KIF21A: variants seen among roughly 807,000 people sequenced by gnomAD.
KIF21A encodes kinesin family member 21A.
A neutral mutation model predicts 202.9 loss-of-function variants in KIF21A; 114 were observed. That is an observed-to-expected ratio of 0.56 (90% CI 0.48 to 0.66). The LOEUF (loss-of-function observed/expected upper bound fraction) is 0.66, where lower values mean the gene tolerates loss of function less well. KIF21A is among the 30% of genes least tolerant of loss of function. The probability of loss-of-function intolerance (pLI) is 0.00; values close to 1 mark genes in which losing one functional copy is unlikely to be tolerated. For missense variants in KIF21A, 1,677 were observed against 1,994.9 expected (o/e 0.84, Z 3.04); for synonymous variants, 667 against 670.8 (o/e 0.99, Z 0.09).
Position 39,332,307 on chromosome 12 carries a change from A to T in KIF21A, c.2958T>A (p.Asn986Lys). The change falls in exon 21 of 38, where the codon AAT becomes AAA. Residue 986 changes from asparagine (N) to lysine (K), a missense_variant. Coordinates refer to ENST00000361418, the MANE Select transcript of KIF21A (RefSeq NM_001173464.2). Reference protein sequence around the residue: ...GEGDKNVANINEEMESLTANI... With the variant: ...GEGDKNVANIKEEMESLTANI... ...TAGCAGTCAGTGACTCCATCTCTTC[A>T]TTGATATTAGCCACATTTTTATCTC... is the stretch of plus-strand genomic sequence containing the variant. The T allele has an allele frequency of 6.2e-7, 1 of 1,613,538 alleles. No individual in the cohort carries two copies. The highest frequency in any genetic ancestry group is 8.5e-7 in the Non-Finnish European group (1 of 1,179,626).
chr12:39,426,316 C>T (rs368336743), intron 1 of KIF21A, among the ~76,000 whole-genome samples: 2 of 152,196 alleles, frequency 1.3e-5, no homozygotes, highest in Non-Finnish European at 2.9e-5. Flanking sequence ...TGTGAGTATA[C>T]ACACATGTAC....
chr12:39,330,863 G>A lies in KIF21A; in HGVS notation c.3202C>T (p.Arg1068Ter), dbSNP rs748836406. Residue 1068 changes from arginine to a stop codon, truncating the protein, a stop_gained, in exon 23 of 38, where the codon CGA (arginine) becomes TGA (stop). Coordinates refer to ENST00000361418, the MANE Select transcript of KIF21A (RefSeq NM_001173464.2). LOFTEE classifies it high-confidence loss of function. ...KEAQIKVLEGRLKQTEITSAT... is the reference protein window; with the variant it reads ...KEAQIKVLEG ...CTGGTTATTTCTGTTTGTTTGAGTC[G>A]ACCTTCCAGTACTTTAATTTGAGCC... is the stretch of plus-strand genomic sequence containing the variant. 3.1e-6 allele frequency: 5 copies of A among 1,613,758 alleles called. No individual in the cohort carries two copies. The highest frequency in any genetic ancestry group is 1.1e-5 in the South Asian group (1 of 91,068).
intron 10 of KIF21A, among the ~76,000 whole-genome samples, chr12:39,354,869 T>G (rs1042353125): frequency 1.3e-5 from 2 of 152,208 alleles, no homozygotes; most frequent in African/African-American, 4.8e-5. Context: ...CTCTCTGAGA[T>G]TAGCAGGTAT....
intron 1 of KIF21A, among the ~76,000 whole-genome samples, chr12:39,402,713 T>C (rs572172654): frequency 1.3e-5 from 2 of 152,270 alleles, no homozygotes; most frequent in African/African-American, 4.8e-5. Flanking sequence ...CCAACACAAA[T>C]TCATAAACTT....
Position 39,366,645 on chromosome 12 carries a change from A to C in KIF21A, c.736-128T>G. The stretch of plus-strand genomic sequence containing the variant: ...AAGAAACAGGCATAAAGCCAAATAA[A>C]TTCAAAAATGTCTGCTGGCAATTAG... On this transcript the variant is annotated intron_variant, in intron 5 of 37. Coordinates refer to ENST00000361418, the MANE Select transcript of KIF21A (RefSeq NM_001173464.2). 3 of 713,126 alleles carry C rather than the reference A, an allele frequency of 4.2e-6. No homozygotes were observed. In the East Asian group the frequency reaches 8.1e-5, roughly 19 times the overall value. 44.2% of individuals were successfully genotyped at this position (713,126 alleles called of 1,614,324 possible). A position where few individuals can be genotyped will look rare whatever the true frequency, so the allele number is the denominator to read the frequency against.
At chr12:39,403,147 C>A (rs562132193) in intron 1 of KIF21A, among the ~76,000 whole-genome samples, 8 of 151,986 alleles carry the variant, frequency 5.3e-5, no homozygotes, top group African/African-American at 1.9e-4. Context: ...CAAAAAAAAA[C>A]CTAACAGTCA....
chr12:39,315,323 G>A, intron 30 of KIF21A, 83 bp from the exon 31 acceptor site: 2 of 1,200,728 alleles, frequency 1.7e-6, no homozygotes, highest in East Asian at 4.7e-5. Flanking sequence ...TGGTGAAAGG[G>A]AATGAGACAG....
Position 39,431,219 on chromosome 12 carries a change from G to A in KIF21A, c.44+11708C>T, listed in dbSNP as rs144945456. On this transcript the variant is annotated intron_variant, in intron 1 of 37. Transcript: ENST00000361418. ...GATCAGTGCCAGCCTATGTATACAAGTGGAATAACTCTGGTGGCAGCTGCC... is the reference window on the plus strand; with the variant it reads ...GATCAGTGCCAGCCTATGTATACAAATGGAATAACTCTGGTGGCAGCTGCC... 2.1e-4 allele frequency among the ~76,000 whole-genome samples: 32 copies of A among 152,300 alleles called. No homozygotes were observed. The East Asian group carries it at 5.0e-3, about 24-fold the overall frequency.
At chr12:39,344,512 A>G (rs1027446662) in intron 12 of KIF21A, among the ~76,000 whole-genome samples, 1 of 152,138 alleles carries the variant, frequency 6.6e-6, no homozygotes, top group Admixed American at 6.6e-5. Context: ...ATCACATTAT[A>G]CTTAAGTTTA....
rs752603637 is a variant in KIF21A at position 39,322,850 on chromosome 12, C to T, written c.3489G>A (p.Leu1163=). ...ARRRTTTQME[L]LYADSSELAS... ...CTAGTTCACTGCTATCTGCATACAGCAATTCCATCTGAGTGGTGGTTCTCC... is the reference window on the plus strand; with the variant it reads ...CTAGTTCACTGCTATCTGCATACAGTAATTCCATCTGAGTGGTGGTTCTCC... Residue 1163 remains leucine, a synonymous_variant, in exon 27 of 38, where the codon TTG becomes TTA. Transcript: ENST00000361418. 6.3e-7 allele frequency: 1 copy of T among 1,586,406 alleles called. No homozygotes were observed. The highest frequency in any genetic ancestry group is 8.6e-7 in the Non-Finnish European group (1 of 1,168,420).
At chr12:39,422,930 A>G (rs1241478510) in intron 1 of KIF21A, among the ~76,000 whole-genome samples, 1 of 152,224 alleles carries the variant, frequency 6.6e-6, no homozygotes, top group African/African-American at 2.4e-5. Context: ...CAAATCTAGC[A>G]CTGCCACTTC....
chr12:39,363,623 G>T (rs893700796), intron 6 of KIF21A, among the ~76,000 whole-genome samples: 3 of 152,172 alleles, frequency 2.0e-5, no homozygotes, highest in Admixed American at 2.0e-4. Flanking sequence ...TTGCAATACA[G>T]TTCCCACGGG....
At chr12:39,322,521 G>A (rs1480725123) in intron 27 of KIF21A, 147 bp downstream of exon 27, 1 of 625,658 alleles carries the variant, frequency 1.6e-6, no homozygotes, top group African/African-American at 1.8e-5. Flanking sequence ...CAATACCTTA[G>A]GGGAGACAAC....
intron 1 of KIF21A, among the ~76,000 whole-genome samples, chr12:39,434,785 G>C (rs911802393): frequency 2.6e-5 from 4 of 152,064 alleles, no homozygotes; most frequent in Non-Finnish European, 4.4e-5. Flanking sequence ...TGCCTCATTA[G>C]TACCATGTGA....
chr12:39,357,263 C>A lies in KIF21A; in HGVS notation c.1390G>T (p.Val464Phe), dbSNP rs751929960. 1 of 1,614,016 alleles carries A rather than the reference C, an allele frequency of 6.2e-7. No homozygotes were observed. The highest frequency in any genetic ancestry group is 8.5e-7 in the Non-Finnish European group (1 of 1,180,004). ...TQLVSDQANH[V>F]LARAGEGNEE... ...ACCCACATACCTGCTCTGGCAAGAA[C>A]ATGGTTGGCCTGATCACTAACAAGC... Residue 464 changes from valine to phenylalanine, a missense_variant, in exon 9 of 38, where the codon GTT (valine) becomes TTT (phenylalanine). Val to Phe is a conservative substitution (Grantham distance 50). Around this residue, in one of 3 missense-constraint regions of KIF21A, gnomAD observed 966 missense variants for 1,180.9 expected, o/e 0.82. Coordinates refer to ENST00000361418, the MANE Select transcript of KIF21A (RefSeq NM_001173464.2).
chr12:39,303,733 T>C (rs1263819639), intron 35 of KIF21A, among the ~76,000 whole-genome samples: 2 of 152,204 alleles, frequency 1.3e-5, no homozygotes, highest in Non-Finnish European at 2.9e-5. Flanking sequence ...TATTATTTAA[T>C]GACTATTAGG....
intron 26 of KIF21A, among the ~76,000 whole-genome samples, chr12:39,325,509 T>TTTTA (rs1266387453): frequency 4.4e-4 from 65 of 148,910 alleles, no homozygotes; most frequent in African/African-American, 1.6e-3. Context: ...TTTTTTTTTT[T>TTTTA]TTTTTTTGTA....
chr12:39,400,533 A>G (rs1952091116), intron 1 of KIF21A, among the ~76,000 whole-genome samples: 1 of 152,128 alleles, frequency 6.6e-6, no homozygotes, highest in Non-Finnish European at 1.5e-5. Flanking sequence ...GTGAGAACAT[A>G]AGGTGTTTGG....
At chr12:39,315,093 T>C in intron 31 of KIF21A, 136 bp downstream of exon 31, 1 of 818,732 alleles carries the variant, frequency 1.2e-6, no homozygotes, top group South Asian at 1.5e-5. Context: ...AGTTTAAGGT[T>C]AAATATGGCA....
Sources: allele counts gnomAD v4.1 joint callset (sites outside exome capture counted in the v4.1 genomes callset), GRCh38; gene constraint gnomAD v4.1.1; regional missense constraint gnomAD v4.1.1; transcripts MANE v1.5; gene names NCBI Gene and HGNC (gene_info 2026-07-23, HGNC 2026-07-21).